Variants in SOAT1 observed in about 807,000 individuals in gnomAD.
The protein encoded by SOAT1 is sterol O-acyltransferase 1.
In SOAT1, 55 loss-of-function variants were observed where a neutral mutation model predicts 69.5. The ratio of observed to expected loss-of-function variants is 0.79; its 90% CI spans 0.64 to 0.99. The LOEUF is 0.99. Among genes scored for constraint, SOAT1 ranks in the 50% least tolerant of loss-of-function variants. The probability of loss-of-function intolerance (pLI) is 0.00; values close to 1 mark genes in which losing one functional copy is unlikely to be tolerated. For missense variants in SOAT1, 580 were observed against 669.3 expected (o/e 0.87, Z 1.47); for synonymous variants, 231 against 224.7 (o/e 1.03, Z -0.25).
Position 179,354,075 on chromosome 1 carries a change from G to T in SOAT1, c.*434G>T. On this transcript the variant is annotated 3_prime_UTR_variant, in exon 16 of 16. Coordinates refer to ENST00000367619, the MANE Select transcript of SOAT1 (RefSeq NM_003101.6). ...TAGAAATTTTTTCATGCACACTGTT[G>T]GAATGTATGCTAATTGAACATGCAA... 6.4e-6 allele frequency: 1 copy of T among 157,222 alleles called. No homozygotes were observed. The highest frequency in any genetic ancestry group is 1.9e-4 in the South Asian group (1 of 5,174). 9.7% of individuals were successfully genotyped at this position (157,222 alleles called of 1,614,324 possible).
chr1:179,353,488 G>T, intron 15 of SOAT1, 97 bp from the exon 16 acceptor site: 1 of 1,041,020 alleles, frequency 9.6e-7, no homozygotes, highest in Non-Finnish European at 1.5e-6. Flanking sequence ...GCATTTTAGA[G>T]ATGTACAATG....
chr1:179,321,694 C>T (rs1665611354), intron 2 of SOAT1, among the ~76,000 whole-genome samples: 1 of 152,148 alleles, frequency 6.6e-6, no homozygotes. Context: ...CTGGGCTATC[C>T]TCTGTATAAT....
intron 2 of SOAT1, among the ~76,000 whole-genome samples, chr1:179,318,706 G>T (rs770843402): frequency 7.2e-5 from 11 of 152,086 alleles, no homozygotes; most frequent in Non-Finnish European, 1.6e-4. Flanking sequence ...ATGTAAATAG[G>T]ATCATACGAT....
At chr1:179,334,992 G>A (rs961295362) in intron 3 of SOAT1, among the ~76,000 whole-genome samples, 17 of 136,350 alleles carry the variant, frequency 1.2e-4, no homozygotes, top group African/African-American at 4.4e-4. Context: ...TCCAGCCTAG[G>A]CAACAAGAGG....
At chr1:179,320,182 T>A (rs1665546272) in intron 2 of SOAT1, among the ~76,000 whole-genome samples, 1 of 152,192 alleles carries the variant, frequency 6.6e-6, no homozygotes, top group South Asian at 2.1e-4. Flanking sequence ...TTTTTAGGTA[T>A]TTGATCCTTT....
At chr1:179,351,589 A>C (rs1558061059) in intron 15 of SOAT1, 127 bp downstream of exon 15, 2 of 826,852 alleles carry the variant, frequency 2.4e-6, no homozygotes, top group South Asian at 1.9e-5. Context: ...GAGGGAAATG[A>C]GGAGTAAAAG....
intron 2 of SOAT1, among the ~76,000 whole-genome samples, chr1:179,319,517 G>A (rs751331846): frequency 8.6e-5 from 13 of 152,006 alleles, no homozygotes; most frequent in Non-Finnish European, 1.6e-4. Context: ...TGATCTGCCC[G>A]CCTTGGCCTC....
intron 2 of SOAT1, among the ~76,000 whole-genome samples, chr1:179,320,330 A>G (rs573966770): frequency 4.6e-5 from 7 of 152,234 alleles, no homozygotes; most frequent in African/African-American, 1.4e-4. Flanking sequence ...TCGAAAATCA[A>G]TTATTAATAA....
Position 179,347,607 on chromosome 1 carries a change from G to T in SOAT1, c.1125G>T (p.Leu375=), listed in dbSNP as rs1294322317. The part of the protein sequence containing the change: ...CVFNSILPGV[L]ILFLTFFAFL... ...TGTTAATCTTATTTTTAGGTGTGCT[G>T]ATTCTCTTCCTTACTTTTTTTGCCT... Residue 375 remains leucine (L), a synonymous_variant, in exon 12 of 16, where the codon CTG becomes CTT. Transcript: ENST00000367619. 6 of 1,606,042 alleles carry T rather than the reference G, an allele frequency of 3.7e-6. No homozygotes were observed. The highest frequency in any genetic ancestry group is 8.5e-7 in the Non-Finnish European group (1 of 1,173,478).
chr1:179,338,193 A>G (rs1666221447), intron 5 of SOAT1, among the ~76,000 whole-genome samples: 1 of 152,116 alleles, frequency 6.6e-6, no homozygotes, highest in Non-Finnish European at 1.5e-5. Context: ...GTTCAAGACC[A>G]GTTTGGGCAA....
rs116213272 is a variant in SOAT1, at chr1:179,314,768, T to G, written c.119-8669T>G. Reference sequence around the variant, plus strand: ...TAGGGTAGCAAAGCATGTCATAATTTTACAAAAATTTTCATCAAAACTGGT... The same window carrying G: ...TAGGGTAGCAAAGCATGTCATAATTGTACAAAAATTTTCATCAAAACTGGT... On this transcript the variant is annotated intron_variant, in intron 2 of 15. Coordinates refer to ENST00000367619, the MANE Select transcript of SOAT1 (RefSeq NM_003101.6). Among the ~76,000 whole-genome samples the G allele has an allele frequency of 6.8e-3, 1,032 of 152,142 alleles. 18 individuals carry two copies. Among genetic ancestry groups the G allele is most frequent in the African/African-American group, 0.024 (991 of 41,506 alleles).
Position 179,335,523 on chromosome 1 carries a change from T to A in SOAT1, c.195T>A (p.Phe65Leu). ...AATTCTAGGAATTGAAGCCATTTTT[T>A]ATGAAGGAAGTTGGCAGTCACTTTG... The part of the protein sequence containing the change: ...TAEAEELKPF[F>L]MKEVGSHFDD... Residue 65 changes from phenylalanine to leucine, a missense_variant, in exon 4 of 16, where the codon TTT becomes TTA. By Grantham distance (22) the Phe-to-Leu change is conservative. Coordinates refer to ENST00000367619, the MANE Select transcript of SOAT1 (RefSeq NM_003101.6). 1 of 1,608,570 alleles carries A rather than the reference T, an allele frequency of 6.2e-7. No homozygotes were observed. Among genetic ancestry groups the A allele is most frequent in the Non-Finnish European group, 8.5e-7 (1 of 1,177,622 alleles).
At chr1:179,318,345 C>G (rs1183250900) in intron 2 of SOAT1, among the ~76,000 whole-genome samples, 1 of 152,044 alleles carries the variant, frequency 6.6e-6, no homozygotes, top group African/African-American at 2.4e-5. Flanking sequence ...TCAGTATGCA[C>G]CATACATACA....
At chr1:179,348,760 ATGTGTG>A (rs71111912) in intron 12 of SOAT1, 78 bp from the exon 13 acceptor site, 13,843 of 588,274 alleles carry the variant, frequency 0.024, 252 homozygotes, top group African/African-American at 0.045. Flanking sequence ...TTCGGGTGGG[ATGTGTG>A]TGTGTGTGTG....
At chr1:179,310,640 A>C (rs186246384) in intron 2 of SOAT1, among the ~76,000 whole-genome samples, 1 of 152,348 alleles carries the variant, frequency 6.6e-6, no homozygotes, top group East Asian at 1.9e-4. Flanking sequence ...CATACTATGG[A>C]CATAAAGGTG....
intron 15 of SOAT1, among the ~76,000 whole-genome samples, chr1:179,351,812 C>T (rs921029481): frequency 9.5e-5 from 14 of 147,376 alleles, no homozygotes; most frequent in Non-Finnish European, 1.5e-4. Flanking sequence ...CTCTGCCTCC[C>T]GGATTCAAGT....
intron 11 of SOAT1, 26 bp from the exon 12 acceptor site, chr1:179,347,574 G>A (rs2125000931): frequency 2.9e-6 from 4 of 1,363,140 alleles, no homozygotes; most frequent in East Asian, 2.3e-5. Flanking sequence ...TGGAAAGACT[G>A]TTAATATTGT....
intron 3 of SOAT1, among the ~76,000 whole-genome samples, chr1:179,334,969 C>T (rs571833334): frequency 3.7e-5 from 5 of 133,458 alleles, no homozygotes; most frequent in Non-Finnish European, 6.1e-5. Context: ...GAGCCGAGAT[C>T]GTGCCATTGC....
chr1:179,353,221 A>ATAAATATATATATATT (rs1571463716), intron 15 of SOAT1, among the ~76,000 whole-genome samples: 2 of 72,236 alleles, frequency 2.8e-5, no homozygotes, highest in African/African-American at 9.2e-5. Context: ...ATATATATAT[A>ATAAATATATATATATT]TATCTATTTG....
Sources: gnomAD v4.1 joint callset for allele counts (sites outside exome capture counted in the v4.1 genomes callset) on GRCh38, gnomAD v4.1.1 for gene constraint, MANE v1.5 for transcripts, NCBI Gene and HGNC (gene_info 2026-07-23, HGNC 2026-07-21) for gene names.